Variants in CYP4F3 observed in about 807,000 individuals in gnomAD.
CYP4F3 encodes cytochrome P450 4F3.
CYP4F3 carries 50 observed loss-of-function variants against 54.8 expected under a neutral mutation model. That is an observed-to-expected ratio of 0.91 (90% confidence interval 0.73 to 1.16). The LOEUF (loss-of-function observed/expected upper bound fraction) is 1.16. Ranked by LOEUF, CYP4F3 falls within the 50% of genes most tolerant of loss-of-function variation. The pLI is 0.00. For missense variants in CYP4F3, 715 were observed against 676.2 expected (o/e 1.06, Z -0.64); for synonymous variants, 244 against 262.6 (o/e 0.93, Z 0.69).
intron 5 of CYP4F3, among the ~76,000 whole-genome samples, chr19:15,647,587 A>C (rs1290627): frequency 0.67 from 102,050 of 152,156 alleles, 34,866 homozygotes; most frequent in East Asian, 0.84. Context: ...TCAAGAGGGT[A>C]ATGACAACAA....
In CYP4F3 at chr19:15,658,351, C is replaced by G. The variant is rs780890420; in HGVS notation, c.1203C>G (p.Cys401Trp). Residue 401 changes from cysteine to tryptophan, a missense_variant, in exon 10 of 13, where the codon TGC becomes TGG. Transcript: ENST00000221307. Reference protein sequence around the residue: ...LHPPVPAVSRCCTQDIVLPDG... With the variant: ...LHPPVPAVSRWCTQDIVLPDG... ...CCCCAGTCCCTGCCGTCTCTCGCTGCTGCACCCAAGACATTGTGCTCCCAG... is the reference window on the plus strand; with the variant it reads ...CCCCAGTCCCTGCCGTCTCTCGCTGGTGCACCCAAGACATTGTGCTCCCAG... 1 of 1,614,190 alleles carries G rather than the reference C, an allele frequency of 6.2e-7. No individual in the cohort carries two copies. The highest frequency in any genetic ancestry group is 8.5e-7 in the Non-Finnish European group (1 of 1,180,042).
intron 9 of CYP4F3, among the ~76,000 whole-genome samples, chr19:15,654,411 T>C (rs1599906871): frequency 2.0e-5 from 3 of 152,208 alleles, no homozygotes; most frequent in African/African-American, 4.8e-5. Flanking sequence ...CAAACTACTT[T>C]CTAATGTACA....
At chr19:15,658,228 C>T in intron 9 of CYP4F3, 36 bp from the exon 10 acceptor site, 1 of 1,605,132 alleles carries the variant, frequency 6.2e-7, no homozygotes, top group South Asian at 1.1e-5. Context: ...TGTCTTTGCT[C>T]CCTTGATAAG....
intron 2 of CYP4F3, among the ~76,000 whole-genome samples, chr19:15,643,455 T>TAGATAGAC (rs1972534156): frequency 7.0e-6 from 1 of 143,658 alleles, no homozygotes; most frequent in Admixed American, 7.0e-5. Context: ...GATAGATAGA[T>TAGATAGAC]AGACAGACAG....
intron 2 of CYP4F3, among the ~76,000 whole-genome samples, chr19:15,645,204 C>T (rs1166355010): frequency 2.0e-5 from 3 of 152,166 alleles, no homozygotes; most frequent in African/African-American, 7.2e-5. Context: ...CCCAGAGTTC[C>T]CAGAAAAGGC....
rs1335650747 is a variant in CYP4F3 at position 15,662,215 on chromosome 19, G to C, written c.*2830G>C. The C allele has an allele frequency of 7.3e-6, 1 of 136,922 alleles. No individual in the cohort carries two copies. The highest frequency in any genetic ancestry group is 1.5e-5 in the Non-Finnish European group (1 of 66,138). The allele number at this position is 136,922 out of a possible 1,614,324, so 8.5% of individuals were successfully genotyped here. On this transcript the variant is annotated 3_prime_UTR_variant, in exon 13 of 13. Transcript: ENST00000221307. ...GAACCCAGGAGTCAGAGGTTTCAGT[G>C]AGCCGAGATTGTGCCACTGCACTCC...
chr19:15,647,443 G>A lies in CYP4F3; in HGVS notation c.525+119G>A, dbSNP rs939313248. 4 of 1,499,832 alleles carry A rather than the reference G, an allele frequency of 2.7e-6. No homozygotes were observed. The East Asian group carries it at 6.8e-5, about 26-fold the overall frequency. 92.9% of individuals were successfully genotyped at this position (1,499,832 alleles called of 1,614,324 possible). A position where few individuals can be genotyped will look rare whatever the true frequency, so the allele number is the denominator to read the frequency against. ...TCTGGGCCATTGTCTTCCTCTCTGA[G>A]CTTTGGTTTCCTCATCTGTAAAATC... On this transcript the variant is annotated intron_variant, in intron 5 of 12. Transcript: ENST00000221307.
intron 2 of CYP4F3, among the ~76,000 whole-genome samples, chr19:15,644,757 G>C (rs1251703760): frequency 6.6e-6 from 1 of 152,156 alleles, no homozygotes; most frequent in Non-Finnish European, 1.5e-5. Flanking sequence ...GCCTAGTTTG[G>C]GGCCCTCTCC....
chr19:15,642,530 A>G (rs1441933146), intron 2 of CYP4F3, among the ~76,000 whole-genome samples: 1 of 152,186 alleles, frequency 6.6e-6, no homozygotes, highest in Non-Finnish European at 1.5e-5. Flanking sequence ...TCCTGAGTCC[A>G]CACTGCTCCC....
chr19:15,647,023 T>C, intron 3 of CYP4F3, 29 bp from the exon 4 acceptor site: 3 of 1,613,228 alleles, frequency 1.9e-6, no homozygotes, highest in Non-Finnish European at 1.7e-6. Context: ...CCTGCCTCCA[T>C]GGCCCCTGAT....
At chr19:15,645,956 G>A in intron 3 of CYP4F3, 93 bp downstream of exon 3, 1 of 1,441,912 alleles carries the variant, frequency 6.9e-7, no homozygotes, top group Non-Finnish European at 9.2e-7. Context: ...CGGGTCGCGT[G>A]CCCATGTGCA....
In CYP4F3 at chr19:15,661,911, G is replaced by A. The variant is rs1395574250; in HGVS notation, c.*2526G>A. On this transcript the variant is annotated 3_prime_UTR_variant, in exon 13 of 13. Transcript: ENST00000221307. ...CTCCATTTAGTTAAATTTTGTATGGGGTGTGAACTGTGGTTTGACTGTTTT... is the reference window on the plus strand; with the variant it reads ...CTCCATTTAGTTAAATTTTGTATGGAGTGTGAACTGTGGTTTGACTGTTTT... 1 of 151,844 alleles carries A rather than the reference G, an allele frequency of 6.6e-6. No individual in the cohort carries two copies. Among genetic ancestry groups the A allele is most frequent in the Non-Finnish European group, 1.5e-5 (1 of 67,990 alleles). The allele number at this position is 151,844 out of a possible 1,614,324, so 9.4% of individuals were successfully genotyped here.
intron 3 of CYP4F3, 89 bp downstream of exon 3, chr19:15,645,952 G>A (rs4239620): frequency 0.082 from 118,662 of 1,448,266 alleles, 9,742 homozygotes; most frequent in East Asian, 0.47. Context: ...CCAGCGGGTC[G>A]CGTGCCCATG....
At position 15,641,430 on chromosome 19, in the gene CYP4F3, C is replaced by T. The variant is rs755007165; in HGVS notation, c.15C>T (p.Ser5=). 6.2e-7 allele frequency: 1 copy of T among 1,614,076 alleles called. No homozygotes were observed. The highest frequency in any genetic ancestry group is 1.3e-5 in the African/African-American group (1 of 74,942). ...TGCCCTGCAGGATGCCACAGCTGAGCCTGTCCTCGCTGGGCCTTTGGCCAA... is the reference window on the plus strand; with the variant it reads ...TGCCCTGCAGGATGCCACAGCTGAGTCTGTCCTCGCTGGGCCTTTGGCCAA... MPQL[S]LSSLGLWPMA... is the part of the protein sequence containing the mutation. Residue 5 remains serine, a synonymous_variant, in exon 2 of 13, where the codon AGC becomes AGT. Transcript: ENST00000221307.
intron 2 of CYP4F3, among the ~76,000 whole-genome samples, chr19:15,644,208 C>T (rs1972558557): frequency 6.6e-6 from 1 of 152,188 alleles, no homozygotes; most frequent in Admixed American, 6.5e-5. Flanking sequence ...CACTAATTCC[C>T]ATCTCAGCAT....
intron 2 of CYP4F3, 100 bp downstream of exon 2, chr19:15,641,713 G>A (rs959178567): frequency 7.9e-6 from 10 of 1,265,636 alleles, no homozygotes; most frequent in Middle Eastern, 1.9e-4. Context: ...TGGGGTCTGG[G>A]GTGGCAGAGA....
intron 2 of CYP4F3, among the ~76,000 whole-genome samples, chr19:15,642,591 A>G (rs1270805262): frequency 6.6e-6 from 1 of 152,196 alleles, no homozygotes; most frequent in Non-Finnish European, 1.5e-5. Context: ...CTGGGCTGAA[A>G]TGACTCCCAG....
intron 9 of CYP4F3, among the ~76,000 whole-genome samples, chr19:15,655,304 T>C (rs901000448): frequency 1.3e-5 from 2 of 152,248 alleles, no homozygotes; most frequent in Non-Finnish European, 2.9e-5. Context: ...TTTGTGAGTA[T>C]TTTCTGCCAT....
rs554231690 is a variant in CYP4F3 at position 15,641,077 on chromosome 19, C to A, written c.-2+132C>A. 6 of 293,970 alleles carry A rather than the reference C, an allele frequency of 2.0e-5. 1 individual carries two copies. The highest frequency in any genetic ancestry group is 3.9e-5 in the Non-Finnish European group (6 of 153,460). The allele number at this position is 293,970 out of a possible 1,614,324, so 18.2% of individuals were successfully genotyped here. A position where few individuals can be genotyped will look rare whatever the true frequency, so the allele number is the denominator to read the frequency against. On this transcript the variant is annotated intron_variant, in intron 1 of 12. Coordinates refer to ENST00000221307, the MANE Select transcript of CYP4F3 (RefSeq NM_000896.3). Reference sequence around the variant, plus strand: ...TCTCCATTGCTGCCCAAGGCCCAGGCAGCTCCTGGTTGCTGGCTTGGAGGA... The same window carrying A: ...TCTCCATTGCTGCCCAAGGCCCAGGAAGCTCCTGGTTGCTGGCTTGGAGGA...
Sources: allele counts gnomAD v4.1 joint callset (sites outside exome capture counted in the v4.1 genomes callset), GRCh38; gene constraint gnomAD v4.1.1; transcripts MANE v1.5; gene names NCBI Gene and HGNC (gene_info 2026-07-23, HGNC 2026-07-21).